Variants in MNAT1 observed in about 807,000 individuals in gnomAD.
The protein encoded by MNAT1 is MNAT1 component of CDK activating kinase.
In MNAT1, 43 loss-of-function variants were observed where a neutral mutation model predicts 42.0. The ratio of observed to expected loss-of-function variants is 1.02; its 90% CI spans 0.80 to 1.32. The LOEUF (loss-of-function observed/expected upper bound fraction) is 1.32, where lower values mean the gene tolerates loss of function less well. Among genes scored for constraint, MNAT1 ranks in the 40% most tolerant of loss-of-function variants. The probability of loss-of-function intolerance (pLI) is 0.00; values close to 1 mark genes in which losing one functional copy is unlikely to be tolerated. For synonymous variants in MNAT1, 118 were observed against 120.0 expected (o/e 0.98, Z 0.11); for missense variants, 306 against 350.4 (o/e 0.87, Z 1.01).
At chr14:60,918,735 A>AATATATATAT (rs140364759) in intron 7 of MNAT1, among the ~76,000 whole-genome samples, 8 of 18,458 alleles carry the variant, frequency 4.3e-4, no homozygotes, top group East Asian at 4.6e-3. Flanking sequence ...TCCAGATGAG[A>AATATATATAT]ATATATATAT....
intron 1 of MNAT1, among the ~76,000 whole-genome samples, chr14:60,749,304 A>G (rs1414651470): frequency 6.6e-6 from 1 of 152,186 alleles, no homozygotes; most frequent in Non-Finnish European, 1.5e-5. Flanking sequence ...TATTTGTTAA[A>G]ATGCAAGTTA....
chr14:60,780,189 A>C, intron 1 of MNAT1: 2 of 1,508,548 alleles, frequency 1.3e-6, no homozygotes, highest in South Asian at 2.3e-5. Context: ...GTGGTGGAAC[A>C]ACTAAAAGAT....
intron 7 of MNAT1, among the ~76,000 whole-genome samples, chr14:60,922,611 A>G (rs2035685098): frequency 6.6e-6 from 1 of 152,116 alleles, no homozygotes; most frequent in Non-Finnish European, 1.5e-5. Flanking sequence ...AGGGATCTCT[A>G]CAGGGTTTGA....
At chr14:60,955,587 G>A (rs2139611462) in intron 7 of MNAT1, among the ~76,000 whole-genome samples, 1 of 152,284 alleles carries the variant, frequency 6.6e-6, no homozygotes, top group Admixed American at 6.5e-5. Context: ...CTTGAACCCA[G>A]GAGGCGGAGG....
chr14:60,754,606 C>T (rs1594726155), intron 1 of MNAT1, among the ~76,000 whole-genome samples: 1 of 152,144 alleles, frequency 6.6e-6, no homozygotes, highest in Admixed American at 6.5e-5. Context: ...GCCTCGGCCT[C>T]CCAAAGTGCT....
intron 1 of MNAT1, among the ~76,000 whole-genome samples, chr14:60,777,049 C>T (rs2031279564): frequency 6.6e-6 from 1 of 152,048 alleles, no homozygotes; most frequent in African/African-American, 2.4e-5. Context: ...AAGGTTTCGC[C>T]ATGTTGCCCA....
chr14:60,949,174 A>C (rs574257168), intron 7 of MNAT1, among the ~76,000 whole-genome samples: 19 of 152,274 alleles, frequency 1.2e-4, no homozygotes, highest in African/African-American at 4.6e-4. Flanking sequence ...AATGAGTCCA[A>C]TTAGGAACAA....
At chr14:60,776,576 G>T (rs897381025) in intron 1 of MNAT1, among the ~76,000 whole-genome samples, 3 of 152,132 alleles carry the variant, frequency 2.0e-5, no homozygotes, top group Non-Finnish European at 4.4e-5. Context: ...GTCCTGGGGG[G>T]GGAGGAGCAG....
chr14:60,754,145 T>C (rs2030224474), intron 1 of MNAT1, among the ~76,000 whole-genome samples: 1 of 152,204 alleles, frequency 6.6e-6, no homozygotes, highest in Admixed American at 6.5e-5. Context: ...TGCTCCTGGA[T>C]TCCTGACACT....
At chr14:60,963,439 A>G (rs2036631763) in intron 7 of MNAT1, among the ~76,000 whole-genome samples, 1 of 152,218 alleles carries the variant, frequency 6.6e-6, no homozygotes, top group African/African-American at 2.4e-5. Flanking sequence ...CTAACCATTA[A>G]CTAGTTTTCA....
At chr14:60,804,666 C>T (rs931981083) in intron 3 of MNAT1, among the ~76,000 whole-genome samples, 5 of 152,120 alleles carry the variant, frequency 3.3e-5, no homozygotes, top group African/African-American at 1.2e-4. Context: ...GCTAGGACTA[C>T]AGGTGTGTAC....
intron 6 of MNAT1, among the ~76,000 whole-genome samples, chr14:60,852,729 G>A (rs1193056605): frequency 6.6e-6 from 1 of 152,152 alleles, no homozygotes; most frequent in East Asian, 1.9e-4. Context: ...TGTATAAGGT[G>A]TAAGGAAGGG....
At chr14:60,869,042 T>TATATATATATATATATATA (rs1336981892) in intron 6 of MNAT1, among the ~76,000 whole-genome samples, 15 of 79,092 alleles carry the variant, frequency 1.9e-4, no homozygotes, top group Non-Finnish European at 2.6e-4. Flanking sequence ...ATATATATAT[T>TATATATATATATATATATA]TTTTTTTTTT....
At chr14:60,939,741 A>G (rs1004822602) in intron 7 of MNAT1, among the ~76,000 whole-genome samples, 1 of 152,160 alleles carries the variant, frequency 6.6e-6, no homozygotes, top group Admixed American at 6.5e-5. Flanking sequence ...GTAGATGTCT[A>G]TTAGGTCTGC....
intron 7 of MNAT1, among the ~76,000 whole-genome samples, chr14:60,902,510 C>T (rs1035097783): frequency 6.6e-6 from 1 of 152,114 alleles, no homozygotes; most frequent in African/African-American, 2.4e-5. Context: ...AGCAACAAAG[C>T]ACTCCATAAT....
intron 6 of MNAT1, among the ~76,000 whole-genome samples, chr14:60,875,368 G>C (rs2034414110): frequency 6.6e-6 from 1 of 152,044 alleles, no homozygotes; most frequent in Non-Finnish European, 1.5e-5. Flanking sequence ...GAGGATAATA[G>C]CTTCCATATC....
rs879276635 is a variant in MNAT1, at chr14:60,909,932, G to A, written c.809+30097G>A. ...CCTTGGGCAGTATGGCCATTTTCAC[G>A]ATATTGATTCTTCCTACCCATGAGC... On this transcript the variant is annotated intron_variant, in intron 7 of 7. Transcript: ENST00000261245. 5.6e-3 allele frequency among the ~76,000 whole-genome samples: 857 copies of A among 152,016 alleles called. 5 individuals are homozygous for A. The highest frequency in any genetic ancestry group is 0.013 in the Admixed American group (191 of 15,254).
chr14:60,868,749 T>C (rs982585282), intron 6 of MNAT1, among the ~76,000 whole-genome samples: 7 of 152,124 alleles, frequency 4.6e-5, no homozygotes, highest in Admixed American at 4.6e-4. Context: ...AAATAACTAC[T>C]AAGATGTCTG....
At chr14:60,785,613 T>C (rs1309885079) in intron 1 of MNAT1, among the ~76,000 whole-genome samples, 1 of 152,240 alleles carries the variant, frequency 6.6e-6, no homozygotes, top group Non-Finnish European at 1.5e-5. Flanking sequence ...ATGGATCTTC[T>C]GGAATTTTCT....
Sources: gnomAD v4.1 joint callset for allele counts (sites outside exome capture counted in the v4.1 genomes callset) on GRCh38, gnomAD v4.1.1 for gene constraint, MANE v1.5 for transcripts, NCBI Gene and HGNC (gene_info 2026-07-23, HGNC 2026-07-21) for gene names.